The following TASP1 variants were observed in gnomAD, a reference collection of about 807,000 sequenced individuals.
TASP1 encodes the protein threonine aspartase 1.
In TASP1, 16 loss-of-function variants were observed where a neutral mutation model predicts 56.6. That is an observed-to-expected ratio of 0.28 (90% CI 0.19 to 0.43). The LOEUF (loss-of-function observed/expected upper bound fraction) is 0.43, where lower values mean the gene tolerates loss of function less well. Ranked by LOEUF, TASP1 falls within the 20% of genes least tolerant of loss-of-function variation. The pLI, the probability that TASP1 is intolerant of heterozygous loss-of-function variation, is 1.00. For synonymous variants in TASP1, 179 were observed against 184.2 expected (o/e 0.97, Z 0.23); for missense variants, 393 against 511.6 (o/e 0.77, Z 2.24).
the TASP1 span, among the ~76,000 whole-genome samples, chr20:13,127,933 G>A: frequency 6.6e-6 from 1 of 152,192 alleles, no homozygotes; most frequent in Non-Finnish European, 1.5e-5. Context: ...GTATGAGACT[G>A]AAGGTAGCTG....
At chr20:13,349,189 A>G in the TASP1 span, among the ~76,000 whole-genome samples, 2 of 152,130 alleles carry the variant, frequency 1.3e-5, no homozygotes, top group African/African-American at 4.8e-5. Flanking sequence ...GGGCTGTCTC[A>G]CAGCTGGGAC....
the TASP1 span, among the ~76,000 whole-genome samples, chr20:13,158,464 G>C: frequency 6.6e-6 from 1 of 152,182 alleles, no homozygotes; most frequent in Non-Finnish European, 1.5e-5. Context: ...CATGCAGACA[G>C]TGAAAGCGGT....
chr20:13,223,209 A>G, the TASP1 span, among the ~76,000 whole-genome samples: 24 of 151,482 alleles, frequency 1.6e-4, no homozygotes, highest in Non-Finnish European at 2.9e-4. Context: ...ATAAATAAAT[A>G]AAATGAAATA....
the TASP1 span, among the ~76,000 whole-genome samples, chr20:13,343,449 C>T: frequency 6.6e-6 from 1 of 152,236 alleles, no homozygotes; most frequent in South Asian, 2.1e-4. Context: ...GCCAGGGAGA[C>T]GCCTCACACC....
At chr20:13,279,262 T>A in the TASP1 span, among the ~76,000 whole-genome samples, 1 of 152,224 alleles carries the variant, frequency 6.6e-6, no homozygotes. Flanking sequence ...CATGTTTACT[T>A]CCTGAGTGAA....
At chr20:13,290,784 A>G in the TASP1 span, among the ~76,000 whole-genome samples, 1 of 152,234 alleles carries the variant, frequency 6.6e-6, no homozygotes, top group Non-Finnish European at 1.5e-5. Flanking sequence ...TACAGGTATT[A>G]TTTTGTTTAA....
At chr20:13,598,815 A>G (rs1269318047) in intron 4 of TASP1, among the ~76,000 whole-genome samples, 1 of 152,228 alleles carries the variant, frequency 6.6e-6, no homozygotes, top group Non-Finnish European at 1.5e-5. Context: ...CAGAATCTGC[A>G]AAGAACTTAA....
chr20:13,166,716 A>G, the TASP1 span: 3 of 152,204 alleles, frequency 2.0e-5, no homozygotes, highest in Non-Finnish European at 2.9e-5. Flanking sequence ...CGAGATATCT[A>G]GTCCTTCCAC....
At chr20:13,179,786 C>T in the TASP1 span, among the ~76,000 whole-genome samples, 2 of 152,172 alleles carry the variant, frequency 1.3e-5, no homozygotes, top group East Asian at 3.9e-4. Flanking sequence ...GGAGAGTCTG[C>T]TCCATTCAGA....
the TASP1 span, among the ~76,000 whole-genome samples, chr20:13,273,769 G>C: frequency 6.6e-6 from 1 of 152,118 alleles, no homozygotes; most frequent in African/African-American, 2.4e-5. Context: ...ATCAAAAAGA[G>C]TAAGCCAACA....
the TASP1 span, among the ~76,000 whole-genome samples, chr20:13,318,317 GACA>G: frequency 6.6e-6 from 1 of 152,060 alleles, no homozygotes; most frequent in Admixed American, 6.6e-5. Flanking sequence ...CCAAAACATT[GACA>G]ACATCAGATG....
chr20:13,250,016 C>T, the TASP1 span, among the ~76,000 whole-genome samples: 1 of 152,132 alleles, frequency 6.6e-6, no homozygotes, highest in East Asian at 1.9e-4. Flanking sequence ...TTCCATCGAT[C>T]GCTTCCAGGG....
the TASP1 span, among the ~76,000 whole-genome samples, chr20:13,254,056 A>G: frequency 1.0e-5 from 1 of 97,598 alleles, no homozygotes; most frequent in Non-Finnish European, 1.9e-5. Flanking sequence ...CATCATCTCT[A>G]CTAAAAAAAA....
chr20:13,303,329 T>A, the TASP1 span, among the ~76,000 whole-genome samples: 8 of 152,368 alleles, frequency 5.3e-5, no homozygotes, highest in African/African-American at 1.9e-4. Context: ...TCTATGTATT[T>A]TGCCCAGTTA....
chr20:13,484,698 T>C (rs1474833986), intron 10 of TASP1, among the ~76,000 whole-genome samples: 1 of 140,454 alleles, frequency 7.1e-6, no homozygotes, highest in Non-Finnish European at 1.5e-5. Context: ...ATCGAGCCAT[T>C]GCACTCAAGC....
intron 10 of TASP1, among the ~76,000 whole-genome samples, chr20:13,484,819 T>C (rs941726840): frequency 4.6e-5 from 7 of 151,508 alleles, no homozygotes; most frequent in African/African-American, 1.7e-4. Flanking sequence ...GATGAGTTCA[T>C]GTCCTTTGCA....
chr20:13,120,221 A>G, the TASP1 span, among the ~76,000 whole-genome samples: 9 of 152,218 alleles, frequency 5.9e-5, no homozygotes, highest in Non-Finnish European at 1.2e-4. Context: ...GTACTGTAAG[A>G]CAGATAGATA....
chr20:13,164,306 AGAG>A, the TASP1 span: 1 of 471,028 alleles, frequency 2.1e-6, no homozygotes, highest in South Asian at 1.6e-5. Flanking sequence ...ATGAGAGGAC[AGAG>A]GATGATGTTA....
the TASP1 span, among the ~76,000 whole-genome samples, chr20:13,269,931 G>A: frequency 2.0e-5 from 3 of 150,288 alleles, no homozygotes; most frequent in Admixed American, 6.6e-5. Flanking sequence ...GTGTGTGGGT[G>A]GAAGGATGGA....
Sources: allele counts gnomAD v4.1 joint callset (sites outside exome capture counted in the v4.1 genomes callset), GRCh38; gene constraint gnomAD v4.1.1; transcripts MANE v1.5; gene names NCBI Gene and HGNC (gene_info 2026-07-23, HGNC 2026-07-21).